TTC23L: variants seen among roughly 807,000 people sequenced by gnomAD.
TTC23L encodes the protein tetratricopeptide repeat domain 23 like.
In TTC23L, 42 loss-of-function variants were observed where a neutral mutation model predicts 48.1. The observed-to-expected ratio is 0.87, with a 90% CI of 0.68 to 1.13. TTC23L has a LOEUF of 1.13. Ranked by LOEUF, TTC23L falls within the 50% of genes most tolerant of loss-of-function variation. The probability of loss-of-function intolerance (pLI) is 0.00; values close to 1 mark genes in which losing one functional copy is unlikely to be tolerated. For synonymous variants in TTC23L, 159 were observed against 157.2 expected (o/e 1.01, Z -0.09); for missense variants, 391 against 421.0 (o/e 0.93, Z 0.62).
chr5:34,896,290 C>G (rs1763220718), intron 9 of TTC23L, among the ~76,000 whole-genome samples: 1 of 152,136 alleles, frequency 6.6e-6, no homozygotes, highest in Non-Finnish European at 1.5e-5. Context: ...GCAGGCAGAG[C>G]TTGAGGTTCC....
intron 8 of TTC23L, among the ~76,000 whole-genome samples, chr5:34,876,077 G>A (rs1761812270): frequency 6.6e-6 from 1 of 152,114 alleles, no homozygotes; most frequent in Non-Finnish European, 1.5e-5. Flanking sequence ...AAAATGTTTT[G>A]AATTAAGATT....
intron 4 of TTC23L, among the ~76,000 whole-genome samples, chr5:34,855,497 A>G (rs988981276): frequency 1.3e-5 from 2 of 152,220 alleles, no homozygotes; most frequent in Non-Finnish European, 2.9e-5. Context: ...AGGATTCAAG[A>G]GTCTACGAAC....
chr5:34,850,408 C>A, intron 4 of TTC23L, 100 bp downstream of exon 4: 2 of 1,457,968 alleles, frequency 1.4e-6, no homozygotes, highest in Non-Finnish European at 9.5e-7. Context: ...AGGGCCCCTT[C>A]TTGCCCCTAG....
intron 7 of TTC23L, chr5:34,867,713 C>A (rs1761177532): frequency 6.5e-6 from 1 of 153,230 alleles, no homozygotes; most frequent in South Asian, 2.1e-4. Flanking sequence ...CCCACAGTGA[C>A]AAACATCAAA....
At chr5:34,881,057 A>G (rs1173418486) in intron 9 of TTC23L, among the ~76,000 whole-genome samples, 1 of 152,232 alleles carries the variant, frequency 6.6e-6, no homozygotes, top group Non-Finnish European at 1.5e-5. Context: ...TTTGGAGAAA[A>G]AAATAAGAAT....
chr5:34,893,332 GAT>G (rs1051909492), intron 9 of TTC23L, among the ~76,000 whole-genome samples: 3 of 152,178 alleles, frequency 2.0e-5, no homozygotes, highest in East Asian at 1.9e-4. Context: ...TTCCACTTTG[GAT>G]ATGTTTGCAA....
chr5:34,892,485 T>C (rs780931708), intron 9 of TTC23L, among the ~76,000 whole-genome samples: 12 of 152,196 alleles, frequency 7.9e-5, no homozygotes, highest in Non-Finnish European at 1.5e-4. Flanking sequence ...CATTTCTAGC[T>C]CATTTAAGCA....
the TTC23L span, among the ~76,000 whole-genome samples, chr5:34,924,497 T>C: frequency 6.6e-6 from 1 of 152,202 alleles, no homozygotes; most frequent in Non-Finnish European, 1.5e-5. Flanking sequence ...GTTTCAAGAG[T>C]TCCCCCATAA....
chr5:34,893,201 G>A (rs1053024483), intron 9 of TTC23L, among the ~76,000 whole-genome samples: 1 of 152,130 alleles, frequency 6.6e-6, no homozygotes, highest in African/African-American at 2.4e-5. Context: ...AATAGAGGCA[G>A]GAATCAAAGG....
At chr5:34,882,618 TAC>T (rs146120966) in intron 9 of TTC23L, among the ~76,000 whole-genome samples, 14,233 of 140,832 alleles carry the variant, frequency 0.1, 1,087 homozygotes, top group African/African-American at 0.22. Context: ...TCCCATGGAC[TAC>T]ACACACACAC....
chr5:34,853,295 C>T (rs1388660336), intron 4 of TTC23L, among the ~76,000 whole-genome samples: 2 of 152,086 alleles, frequency 1.3e-5, no homozygotes, highest in East Asian at 1.9e-4. Flanking sequence ...CTTTGGGAGG[C>T]TGAGGTGAGT....
the TTC23L span, chr5:34,909,060 A>G: frequency 9.1e-7 from 1 of 1,101,092 alleles, no homozygotes; most frequent in South Asian, 1.5e-5. Context: ...GTACTTATCC[A>G]ATTTGCTAAT....
the TTC23L span, chr5:34,916,098 G>A: frequency 3.6e-6 from 2 of 562,526 alleles, no homozygotes; most frequent in East Asian, 6.9e-5. Context: ...CCTGGAGGCG[G>A]CGGGTTTTAA....
rs181380898 is a variant in TTC23L at position 34,840,777 on chromosome 5, T to C, written c.68+38T>C. 18 of 1,593,834 alleles carry C rather than the reference T, an allele frequency of 1.1e-5. No homozygotes were observed. In the East Asian group the frequency reaches 4.0e-4, roughly 36 times the overall value. ...GCATTTTGACATCACAGGTACTTACTGGGCTGAAACACTGGGACCTCCTGC... is the reference window on the plus strand; with the variant it reads ...GCATTTTGACATCACAGGTACTTACCGGGCTGAAACACTGGGACCTCCTGC... On this transcript the variant is annotated intron_variant, in intron 2 of 10. Transcript: ENST00000505624.
intron 1 of TTC23L, among the ~76,000 whole-genome samples, chr5:34,840,294 T>G (rs1758541150): frequency 7.0e-6 from 1 of 142,864 alleles, no homozygotes; most frequent in Non-Finnish European, 1.5e-5. Flanking sequence ...CGTTTACCAC[T>G]GAGAGTTGGT....
chr5:34,923,205 G>A, the TTC23L span: 37 of 1,613,664 alleles, frequency 2.3e-5, no homozygotes, highest in Non-Finnish European at 3.0e-5. Context: ...CACCATTTTG[G>A]ATAATAGGAT....
At chr5:34,915,998 C>T in the TTC23L span, 1 of 1,366,916 alleles carries the variant, frequency 7.3e-7, no homozygotes, top group South Asian at 1.6e-5. Flanking sequence ...TCAGAGTAGC[C>T]CGGGTGTTAA....
chr5:34,850,960 C>A (rs1009670023), intron 4 of TTC23L, among the ~76,000 whole-genome samples: 1 of 152,160 alleles, frequency 6.6e-6, no homozygotes, highest in Non-Finnish European at 1.5e-5. Context: ...GGGACATAGC[C>A]AGCTCAAGAC....
chr5:34,895,861 A>G (rs758015130), intron 9 of TTC23L, among the ~76,000 whole-genome samples: 2 of 152,198 alleles, frequency 1.3e-5, no homozygotes, highest in Non-Finnish European at 2.9e-5. Flanking sequence ...TGTATGTTCC[A>G]TAAGCTGGGT....
Sources: gnomAD v4.1 joint callset for allele counts (sites outside exome capture counted in the v4.1 genomes callset) on GRCh38, gnomAD v4.1.1 for gene constraint, MANE v1.5 for transcripts, NCBI Gene and HGNC (gene_info 2026-07-23, HGNC 2026-07-21) for gene names.